The following MUC5AC variants were observed in gnomAD, a reference collection of about 807,000 sequenced individuals.
MUC5AC encodes the protein mucin 5AC, oligomeric mucus/gel-forming.
In MUC5AC, 158 loss-of-function variants were observed where a neutral mutation model predicts 169.7. The ratio of observed to expected loss-of-function variants is 0.93; its 90% confidence interval spans 0.82 to 1.06. The LOEUF (loss-of-function observed/expected upper bound fraction) is 1.06, where lower values mean the gene tolerates loss of function less well. Ranked by LOEUF, MUC5AC falls within the 50% of genes least tolerant of loss-of-function variation. The pLI, the probability that MUC5AC is intolerant of heterozygous loss-of-function variation, is 0.00. For synonymous variants in MUC5AC, 1,975 were observed against 1,237.0 expected (o/e 1.60, Z -12.52); for missense variants, 4,359 against 3,089.9 (o/e 1.41, Z -9.74).
At chr11:1,198,556 C>G (rs968854971) in intron 43 of MUC5AC, among the ~76,000 whole-genome samples, 1 of 152,150 alleles carries the variant, frequency 6.6e-6, no homozygotes, top group Non-Finnish European at 1.5e-5. Flanking sequence ...CCTGGCACCA[C>G]AGCACAGCCA....
In MUC5AC at chr11:1,196,638, C is replaced by A; in HGVS notation, c.15747C>A (p.Pro5249=). 1.3e-6 allele frequency: 1 copy of A among 762,738 alleles called. No homozygotes were observed. Among genetic ancestry groups the A allele is most frequent in the South Asian group, 1.3e-5 (1 of 74,170 alleles). 47.2% of individuals were successfully genotyped at this position (762,738 alleles called of 1,614,324 possible). ...ACAGGGCTCTGCCGGAGGCCGGCCC[C>A]ATCACCGAAGGCTGCTTCTGTCCGG... is the stretch of plus-strand genomic sequence containing the variant. The part of the protein sequence containing the change: ...ASLGALPEAG[P]ITEGCFCPEG... Residue 5249 remains proline (P), a synonymous_variant, in exon 39 of 49, where the codon CCC becomes CCA. Coordinates refer to ENST00000621226, the MANE Select transcript of MUC5AC (RefSeq NM_001304359.2).
rs56121437 is a variant in MUC5AC at position 1,163,905 on chromosome 11, T to C, written c.703T>C (p.Phe235Leu). 5.8e-5 allele frequency: 94 copies of C among 1,609,996 alleles called. No individual in the cohort carries two copies. In the East Asian group the frequency reaches 1.6e-3, roughly 28 times the overall value. The change falls in exon 7 of 49, where the codon TTC (phenylalanine) becomes CTC (leucine). Residue 235 changes from phenylalanine (F) to leucine (L), a missense_variant. Coordinates refer to ENST00000621226, the MANE Select transcript of MUC5AC (RefSeq NM_001304359.2). ...SHNTKLTPME[F>L]GNLQKMDDPT... is the part of the protein sequence containing the mutation. The stretch of plus-strand genomic sequence containing the variant: ...AGACACCAAGCTGACACCCATGGAA[T>C]TCGGGAACCTGCAGAAGATGGACGA...
rs764079341 is a variant in MUC5AC at position 1,195,153 on chromosome 11, C to T, written c.15332C>T (p.Thr5111Met). The change falls in exon 36 of 49, where the codon ACG becomes ATG. Residue 5111 changes from threonine (T) to methionine (M), a missense_variant. Coordinates refer to ENST00000621226, the MANE Select transcript of MUC5AC (RefSeq NM_001304359.2). Reference protein sequence around the residue: ...ACHRPHPTPTTVGPTTVGSTT... With the variant: ...ACHRPHPTPTMVGPTTVGSTT... The stretch of plus-strand genomic sequence containing the variant: ...CACCGGCCTCACCCGACGCCCACCA[C>T]GGTCGGGCCCACCACAGTTGGGTCT... The T allele has an allele frequency of 2.2e-5, 17 of 756,962 alleles. No homozygotes were observed. The highest frequency in any genetic ancestry group is 6.9e-5 in the Admixed American group (4 of 58,250). 46.9% of individuals were successfully genotyped at this position (756,962 alleles called of 1,614,324 possible). A position where few individuals can be genotyped will look rare whatever the true frequency, so the allele number is the denominator to read the frequency against.
intron 8 of MUC5AC, 32 bp from the exon 9 acceptor site, chr11:1,164,375 G>A: frequency 6.2e-7 from 1 of 1,611,916 alleles, no homozygotes; most frequent in Non-Finnish European, 8.5e-7. Flanking sequence ...GCAGGGGCAG[G>A]CAGACGTGAG....
At chr11:1,196,113 G>A (rs999879570) in intron 37 of MUC5AC, 59 bp downstream of exon 37, 24 of 708,716 alleles carry the variant, frequency 3.4e-5, no homozygotes, top group African/African-American at 3.4e-5. Context: ...CAGGCACGCC[G>A]GACGGACCAA....
intron 40 of MUC5AC, 37 bp from the exon 41 acceptor site, chr11:1,197,431 C>T (rs550267265): frequency 4.1e-4 from 284 of 698,092 alleles, no homozygotes; most frequent in Middle Eastern, 2.9e-3. Context: ...TGGGTGGAGC[C>T]GCTGCGGACG....
chr11:1,196,888 C>A lies in MUC5AC; in HGVS notation c.15841C>A (p.Pro5281Thr). Residue 5281 changes from proline to threonine, a missense_variant, in exon 40 of 49, where the codon CCC becomes ACC. Coordinates refer to ENST00000621226, the MANE Select transcript of MUC5AC (RefSeq NM_001304359.2). ...CTCTCTCCTTCCAGGGTGTCTGGGG[C>A]CCCACGGAGAGCCGGTGAAGGTGAG... is the stretch of plus-strand genomic sequence containing the variant. The part of the protein sequence containing the change: ...VPTGCPRCLG[P>T]HGEPVKVGHT... The A allele has an allele frequency of 1.3e-6, 1 of 763,450 alleles. No homozygotes were observed. The highest frequency in any genetic ancestry group is 2.4e-6 in the Non-Finnish European group (1 of 417,272). The allele number at this position is 763,450 out of a possible 1,614,324, so 47.3% of individuals were successfully genotyped here.
chr11:1,175,681 C>A (rs1725869170), intron 19 of MUC5AC, among the ~76,000 whole-genome samples: 1 of 146,474 alleles, frequency 6.8e-6, no homozygotes, highest in South Asian at 2.2e-4. Context: ...CACACCCACT[C>A]ATGCACACAC....
intron 24 of MUC5AC, 84 bp from the exon 25 acceptor site, chr11:1,178,360 T>C: frequency 2.5e-6 from 1 of 393,866 alleles, no homozygotes; most frequent in Admixed American, 4.5e-5. Flanking sequence ...TGGCCCTGGG[T>C]GGGAGGAGGC....
intron 42 of MUC5AC, 101 bp downstream of exon 42, chr11:1,198,105 C>A (rs28482817): frequency 9.2e-6 from 6 of 649,546 alleles, no homozygotes; most frequent in South Asian, 1.7e-5. Context: ...TTGTCCACTG[C>A]GGGTCTGTGG....
At chr11:1,196,745 G>C (rs1174142541) in intron 39 of MUC5AC, 25 bp downstream of exon 39, 1 of 741,788 alleles carries the variant, frequency 1.3e-6, no homozygotes, top group Non-Finnish European at 2.5e-6. Context: ...CCGGGGCTGG[G>C]GGGTGTGGCA....
chr11:1,172,744 A>T (rs1314306098), intron 16 of MUC5AC, among the ~76,000 whole-genome samples: 3 of 147,022 alleles, frequency 2.0e-5, no homozygotes, highest in Non-Finnish European at 4.5e-5. Context: ...TCACCCACAC[A>T]CTCACCCATT....
chr11:1,173,674 A>C lies in MUC5AC; in HGVS notation c.1966-822A>C. Among the ~76,000 whole-genome samples the C allele has an allele frequency of 1.3e-5, 2 of 149,650 alleles. 1 individual carries two copies. The highest frequency in any genetic ancestry group is 4.0e-4 in the East Asian group (2 of 5,028). On this transcript the variant is annotated intron_variant, in intron 16 of 48. Transcript: ENST00000621226. Reference sequence around the variant, plus strand: ...GATTCCCTCATTCATTCCTTTACTCATTCACTCATTTACTCACTCACTAAT... The same window carrying C: ...GATTCCCTCATTCATTCCTTTACTCCTTCACTCATTTACTCACTCACTAAT...
At chr11:1,159,507 TG>T in intron 1 of MUC5AC, among the ~76,000 whole-genome samples, 1 of 138,296 alleles carries the variant, frequency 7.2e-6, no homozygotes, top group Non-Finnish European at 1.5e-5. Context: ...TGTGCGAGGC[TG>T]GGGTCTGGTC....
intron 2 of MUC5AC, 139 bp from the exon 3 acceptor site, chr11:1,161,388 G>A: frequency 3.4e-6 from 2 of 587,882 alleles, no homozygotes; most frequent in Non-Finnish European, 5.6e-6. Context: ...GTGGGAGGGG[G>A]CCCAACACGC....
intron 1 of MUC5AC, among the ~76,000 whole-genome samples, chr11:1,160,237 G>A (rs527901379): frequency 1.3e-5 from 2 of 152,214 alleles, no homozygotes; most frequent in South Asian, 2.1e-4. Context: ...GACTGCTCCA[G>A]CCCCTCAGTG....
chr11:1,175,600 TTCACACCCTCATGCACACGCAC>T (rs1165850119), intron 19 of MUC5AC, among the ~76,000 whole-genome samples: 3 of 42,772 alleles, frequency 7.0e-5, no homozygotes, highest in Non-Finnish European at 1.5e-4. Flanking sequence ...TGCACACGCA[TTCACACCCTCATGCACACGCAC>T]TCACACCCAC....
intron 34 of MUC5AC, 53 bp downstream of exon 34, chr11:1,194,413 G>A: frequency 1.4e-6 from 1 of 710,536 alleles, no homozygotes; most frequent in Non-Finnish European, 2.6e-6. Flanking sequence ...GGCTTTCCCG[G>A]CAAGAGCCTG....
intron 30 of MUC5AC, among the ~76,000 whole-genome samples, 175 bp from the exon 31 acceptor site, chr11:1,181,980 G>T (rs1395517031): frequency 2.6e-5 from 4 of 152,200 alleles, no homozygotes; most frequent in African/African-American, 9.7e-5. Flanking sequence ...CAGTCGGTTC[G>T]CCTGGCTCTT....
Sources: allele counts gnomAD v4.1 joint callset (sites outside exome capture counted in the v4.1 genomes callset), GRCh38; gene constraint gnomAD v4.1.1; transcripts MANE v1.5; gene names NCBI Gene and HGNC (gene_info 2026-07-23, HGNC 2026-07-21).